Variants in NOVA1 observed in about 807,000 individuals in gnomAD.
NOVA1 encodes the protein RNA-binding protein Nova-1.
NOVA1 carries 7 observed loss-of-function variants against 38.0 expected under a neutral mutation model. The ratio of observed to expected loss-of-function variants is 0.18; its 90% CI spans 0.10 to 0.35. NOVA1 has a LOEUF of 0.35. NOVA1 is among the 10% of genes least tolerant of loss of function. NOVA1 has a pLI of 1.00. For missense variants in NOVA1, 460 were observed against 616.0 expected (o/e 0.75, Z 2.68); for synonymous variants, 270 against 232.5 (o/e 1.16, Z -1.47).
At chr14:26,449,034 C>G in intron 4 of NOVA1, 71 bp from the exon 5 acceptor site, 2 of 1,344,680 alleles carry the variant, frequency 1.5e-6, no homozygotes, top group Non-Finnish European at 2.0e-6. Context: ...CTTTGCTATC[C>G]TAGAAAAGTA....
rs138873597 is a variant in NOVA1 at position 26,468,073 on chromosome 14, T to C, written c.519+4247A>G. 2.1e-3 allele frequency among the ~76,000 whole-genome samples: 322 copies of C among 152,282 alleles called. 2 individuals are homozygous for C. Among genetic ancestry groups the C allele is most frequent in the African/African-American group, 7.1e-3 (297 of 41,556 alleles). On this transcript the variant is annotated intron_variant, in intron 4 of 4. Coordinates refer to ENST00000539517, the MANE Select transcript of NOVA1 (RefSeq NM_002515.3). The stretch of plus-strand genomic sequence containing the variant: ...TCATTAGCATGATTAAATTATGTTG[T>C]AGGGTAGAGGTGGTGAGAACGTTAC...
chr14:26,559,987 G>A (rs1033939630), intron 2 of NOVA1, among the ~76,000 whole-genome samples: 2 of 151,666 alleles, frequency 1.3e-5, no homozygotes, highest in South Asian at 4.2e-4. Context: ...TACATTGTAT[G>A]TATTAAATTA....
intron 4 of NOVA1, among the ~76,000 whole-genome samples, chr14:26,461,074 G>A (rs1446153471): frequency 6.6e-6 from 1 of 152,160 alleles, no homozygotes; most frequent in Non-Finnish European, 1.5e-5. Flanking sequence ...TATGGCTGCA[G>A]GGAAAACTTT....
chr14:26,558,727 C>A (rs1891641111), intron 2 of NOVA1, among the ~76,000 whole-genome samples: 1 of 152,042 alleles, frequency 6.6e-6, no homozygotes, highest in South Asian at 2.1e-4. Context: ...TTAGACAGGT[C>A]ATTTTGCAAC....
chr14:26,537,887 C>T (rs530295578), intron 2 of NOVA1, among the ~76,000 whole-genome samples: 60 of 152,110 alleles, frequency 3.9e-4, no homozygotes, highest in Admixed American at 9.2e-4. Context: ...GGAATAGCTC[C>T]TCTATGGATA....
At chr14:26,557,528 AT>A (rs375431107) in intron 2 of NOVA1, among the ~76,000 whole-genome samples, 3,140 of 140,974 alleles carry the variant, frequency 0.022, 76 homozygotes, top group African/African-American at 0.071. Flanking sequence ...TGACTGGCTA[AT>A]TTTTTTTTTT....
intron 4 of NOVA1, among the ~76,000 whole-genome samples, chr14:26,453,733 A>G (rs1179365786): frequency 2.0e-5 from 3 of 152,186 alleles, no homozygotes; most frequent in African/African-American, 7.2e-5. Flanking sequence ...ATATTTCTTC[A>G]TTATCATGGC....
At chr14:26,495,787 A>G (rs1481674383) in intron 2 of NOVA1, among the ~76,000 whole-genome samples, 2 of 145,364 alleles carry the variant, frequency 1.4e-5, no homozygotes, top group Admixed American at 7.1e-5. Context: ...GAGAATGATG[A>G]TTTCCAATTT....
chr14:26,508,729 T>C (rs1318832558), intron 2 of NOVA1, among the ~76,000 whole-genome samples: 1 of 151,998 alleles, frequency 6.6e-6, no homozygotes, highest in East Asian at 1.9e-4. Flanking sequence ...GAGTATTCTG[T>C]GCTTAAAAAT....
chr14:26,473,494 C>T (rs2138261412), intron 3 of NOVA1, among the ~76,000 whole-genome samples: 1 of 151,710 alleles, frequency 6.6e-6, no homozygotes, highest in South Asian at 2.1e-4. Flanking sequence ...CAGATATGAG[C>T]AAAAGCATAA....
At chr14:26,576,457 T>C (rs1265282388) in intron 2 of NOVA1, among the ~76,000 whole-genome samples, 2 of 151,840 alleles carry the variant, frequency 1.3e-5, no homozygotes, top group African/African-American at 4.8e-5. Flanking sequence ...CAAAATATTT[T>C]ACAGGCAAAT....
intron 2 of NOVA1, among the ~76,000 whole-genome samples, chr14:26,486,388 G>A (rs1885891225): frequency 6.6e-6 from 1 of 151,902 alleles, no homozygotes; most frequent in East Asian, 1.9e-4. Context: ...AGTTAAATAA[G>A]ACTGTTAAAA....
At chr14:26,551,871 A>G (rs543665356) in intron 2 of NOVA1, among the ~76,000 whole-genome samples, 2 of 152,122 alleles carry the variant, frequency 1.3e-5, no homozygotes, top group African/African-American at 4.8e-5. Flanking sequence ...TATCCTCCAA[A>G]AAGAAAAAGA....
chr14:26,561,501 C>T (rs1891819111), intron 2 of NOVA1, among the ~76,000 whole-genome samples: 2 of 152,216 alleles, frequency 1.3e-5, no homozygotes, highest in South Asian at 4.1e-4. Context: ...TCCTGCTTCA[C>T]TGTGCTGACA....
Position 26,446,106 on chromosome 14 carries a change from A to C in NOVA1, c.*1853T>G, listed in dbSNP as rs1882044243. On this transcript the variant is annotated 3_prime_UTR_variant, in exon 5 of 5. Transcript: ENST00000539517. ...CCTTTTAAAATCATTCTCTAAATAA[A>C]TATTTAGAGATAGAGAACTCTAAAT... is the stretch of plus-strand genomic sequence containing the variant. The C allele has an allele frequency of 6.6e-6, 1 of 152,518 alleles. No individual in the cohort carries two copies. 9.4% of individuals were successfully genotyped at this position (152,518 alleles called of 1,614,324 possible). A position where few individuals can be genotyped will look rare whatever the true frequency, so the allele number is the denominator to read the frequency against.
intron 4 of NOVA1, among the ~76,000 whole-genome samples, chr14:26,452,578 CTGT>C (rs1399310449): frequency 6.6e-6 from 1 of 152,192 alleles, no homozygotes; most frequent in Admixed American, 6.5e-5. Context: ...CAAATTCTAA[CTGT>C]ATACATGGAT....
chr14:26,596,167 T>A, intron 1 of NOVA1: 1 of 231,502 alleles, frequency 4.3e-6, no homozygotes, highest in Non-Finnish European at 8.7e-6. Flanking sequence ...CTGGCAAATC[T>A]AACTAATCCT....
At position 26,448,443 on chromosome 14, in the gene NOVA1, G is replaced by A. The variant is rs1882303510; in HGVS notation, c.1040C>T (p.Ala347Val). ...TGCTGGGTTGGCACTGGCAGCTGCT[G>A]CAGCCAAAGCCCCTGTTGCTGCTGC... ...SQAAATGALAAAAASANPAAA... is the reference protein window; with the variant it reads ...SQAAATGALAVAAASANPAAA... Residue 347 changes from alanine (A) to valine (V), a missense_variant, in exon 5 of 5, where the codon GCA becomes GTA. By Grantham distance (64) the Ala-to-Val change is moderately conservative. Coordinates refer to ENST00000539517, the MANE Select transcript of NOVA1 (RefSeq NM_002515.3). The surrounding 1 kb of genome is among the most constrained non-coding windows in gnomAD (Gnocchi z 5.3). 6.2e-7 allele frequency: 1 copy of A among 1,612,310 alleles called. No individual in the cohort carries two copies. Among genetic ancestry groups the A allele is most frequent in the Non-Finnish European group, 8.5e-7 (1 of 1,179,646 alleles).
chr14:26,495,201 A>C (rs139497704), intron 2 of NOVA1, among the ~76,000 whole-genome samples: 65 of 152,240 alleles, frequency 4.3e-4, no homozygotes, highest in Middle Eastern at 3.4e-3. Context: ...TAGCTCAATA[A>C]TACCTTATCA....
Sources: allele counts gnomAD v4.1 joint callset (sites outside exome capture counted in the v4.1 genomes callset), GRCh38; gene constraint gnomAD v4.1.1; non-coding constraint Gnocchi (gnomAD v3.1); transcripts MANE v1.5; gene names NCBI Gene and HGNC (gene_info 2026-07-23, HGNC 2026-07-21).